LYPLAL1: variants seen among roughly 807,000 people sequenced by gnomAD.
LYPLAL1 encodes the protein lysophospholipase like 1, also known as lysophospholipase-like protein 1.
A neutral mutation model predicts 19.7 loss-of-function variants in LYPLAL1; 23 were observed. The observed-to-expected ratio is 1.17, with a 90% CI of 0.84 to 1.65. The LOEUF is 1.65. Ranked by LOEUF, LYPLAL1 falls within the 40% of genes most tolerant of loss-of-function variation. The pLI is 0.00. For missense variants in LYPLAL1, 355 were observed against 279.4 expected, an observed-to-expected ratio of 1.27 and a Z score of -1.93; for synonymous variants, 119 against 96.3, an observed-to-expected ratio of 1.24 and a Z score of -1.38.
chr1:219,412,726 A>G, the LYPLAL1 span, among the ~76,000 whole-genome samples: 2 of 152,342 alleles, frequency 1.3e-5, no homozygotes, highest in African/African-American at 4.8e-5. Flanking sequence ...TTGTATGGTG[A>G]TATGAAATGA....
the LYPLAL1 span, among the ~76,000 whole-genome samples, chr1:219,331,994 TA>T: frequency 6.6e-6 from 1 of 152,180 alleles, no homozygotes; most frequent in Non-Finnish European, 1.5e-5. Context: ...CTATTTGTGG[TA>T]ACACTAGCCC....
the LYPLAL1 span, among the ~76,000 whole-genome samples, chr1:219,404,186 T>G: frequency 6.6e-6 from 1 of 152,166 alleles, no homozygotes; most frequent in African/African-American, 2.4e-5. Context: ...CCCATTCTCA[T>G]GACCTTATCT....
chr1:219,185,839 C>T (rs1656678019), intron 2 of LYPLAL1, among the ~76,000 whole-genome samples: 2 of 151,890 alleles, frequency 1.3e-5, no homozygotes, highest in South Asian at 4.1e-4. Context: ...ATTCCAAGAG[C>T]AAAAGTGTCT....
At chr1:219,370,629 T>C in the LYPLAL1 span, among the ~76,000 whole-genome samples, 1 of 152,164 alleles carries the variant, frequency 6.6e-6, no homozygotes, top group African/African-American at 2.4e-5. Context: ...GATTTAGCTG[T>C]TGGTTTGGGG....
In LYPLAL1 at chr1:219,193,208, T is replaced by G. The variant is rs1338503029; in HGVS notation, c.318T>G (p.Asp106Glu). 1 of 1,610,512 alleles carries G rather than the reference T, an allele frequency of 6.2e-7. No individual in the cohort carries two copies. Among genetic ancestry groups the G allele is most frequent in the African/African-American group, 1.3e-5 (1 of 74,724 alleles). ...VMCQVLTDLI[D>E]EEVKSGIKKN... Reference sequence around the variant, plus strand: ...GTCAAGTGCTTACTGATTTGATTGATGAAGAAGTAAAAAGTGGCATCAAGA... The same window carrying G: ...GTCAAGTGCTTACTGATTTGATTGAGGAAGAAGTAAAAAGTGGCATCAAGA... Residue 106 changes from aspartate (D) to glutamate (E), a missense_variant, in exon 3 of 5, where the codon GAT becomes GAG. By Grantham distance (45) the Asp-to-Glu change is conservative. Transcript: ENST00000366928.
the LYPLAL1 span, among the ~76,000 whole-genome samples, chr1:219,388,313 A>G: frequency 6.6e-6 from 1 of 151,480 alleles, no homozygotes; most frequent in Non-Finnish European, 1.5e-5. Flanking sequence ...CAATGGCAGG[A>G]TCTCTCTCTC....
the LYPLAL1 span, among the ~76,000 whole-genome samples, chr1:219,227,190 G>A: frequency 6.6e-6 from 1 of 152,192 alleles, no homozygotes; most frequent in Non-Finnish European, 1.5e-5. Flanking sequence ...CAACGCAGAC[G>A]AAAATCTCTG....
chr1:219,320,207 C>G, the LYPLAL1 span, among the ~76,000 whole-genome samples: 1 of 152,128 alleles, frequency 6.6e-6, no homozygotes, highest in Non-Finnish European at 1.5e-5. Context: ...TAATTTTGCT[C>G]TTTACCTGCT....
At chr1:219,189,405 T>C (rs1656971832) in intron 2 of LYPLAL1, among the ~76,000 whole-genome samples, 1 of 151,644 alleles carries the variant, frequency 6.6e-6, no homozygotes, top group Non-Finnish European at 1.5e-5. Flanking sequence ...GAGGTTTCAT[T>C]TTGTCTGACA....
At chr1:219,432,152 T>C in the LYPLAL1 span, among the ~76,000 whole-genome samples, 5 of 152,158 alleles carry the variant, frequency 3.3e-5, no homozygotes, top group Non-Finnish European at 7.3e-5. Context: ...AGGAAGAAAC[T>C]TCATGGGCAG....
At chr1:219,176,684 A>G (rs1655840656) in intron 1 of LYPLAL1, among the ~76,000 whole-genome samples, 1 of 152,114 alleles carries the variant, frequency 6.6e-6, no homozygotes, top group South Asian at 2.1e-4. Flanking sequence ...TTTTCTCCCT[A>G]GGCTAATCAC....
At chr1:219,201,369 G>T (rs951456405) in intron 3 of LYPLAL1, among the ~76,000 whole-genome samples, 3 of 150,128 alleles carry the variant, frequency 2.0e-5, no homozygotes, top group Non-Finnish European at 4.4e-5. Flanking sequence ...GTTTATTTTT[G>T]TTTCTTTCTA....
chr1:219,181,456 CTTA>C (rs887130064), intron 2 of LYPLAL1, among the ~76,000 whole-genome samples: 141 of 152,244 alleles, frequency 9.3e-4, no homozygotes, highest in Non-Finnish European at 3.8e-4. Flanking sequence ...CAAGTTTTCA[CTTA>C]TTAGTAGCAA....
chr1:219,198,430 T>C (rs1463279187), intron 3 of LYPLAL1: 2 of 151,998 alleles, frequency 1.3e-5, no homozygotes. Context: ...AGTTTAGAAT[T>C]AATTTTGACA....
chr1:219,393,513 T>G, the LYPLAL1 span, among the ~76,000 whole-genome samples: 1 of 152,124 alleles, frequency 6.6e-6, no homozygotes, highest in African/African-American at 2.4e-5. Context: ...TGTCCAGTAT[T>G]CCAAATGCCT....
At chr1:219,256,412 G>A in the LYPLAL1 span, among the ~76,000 whole-genome samples, 1 of 151,116 alleles carries the variant, frequency 6.6e-6, no homozygotes, top group Non-Finnish European at 1.5e-5. Flanking sequence ...TTTTCCAGAA[G>A]GCTAATTTGA....
chr1:219,302,052 A>C, the LYPLAL1 span, among the ~76,000 whole-genome samples: 1 of 152,214 alleles, frequency 6.6e-6, no homozygotes, highest in Non-Finnish European at 1.5e-5. Flanking sequence ...ACAAGCAAAA[A>C]GGGGTGTGCA....
chr1:219,239,329 A>G, the LYPLAL1 span, among the ~76,000 whole-genome samples: 1 of 152,230 alleles, frequency 6.6e-6, no homozygotes. Context: ...GTGCATTTCC[A>G]GAATCCAGCA....
chr1:219,403,627 A>G, the LYPLAL1 span, among the ~76,000 whole-genome samples: 1 of 152,216 alleles, frequency 6.6e-6, no homozygotes, highest in Non-Finnish European at 1.5e-5. Flanking sequence ...AATATACATC[A>G]TTTGAATTTC....
Sources: gnomAD v4.1 joint callset for allele counts (sites outside exome capture counted in the v4.1 genomes callset) on GRCh38, gnomAD v4.1.1 for gene constraint, MANE v1.5 for transcripts, NCBI Gene and HGNC (gene_info 2026-07-23, HGNC 2026-07-21) for gene names.